Variants in ITCH observed in about 807,000 individuals in gnomAD.
ITCH encodes the protein itchy E3 ubiquitin protein ligase.
ITCH carries 28 observed loss-of-function variants against 126.8 expected under a neutral mutation model. That is an observed-to-expected ratio of 0.22 (90% confidence interval 0.16 to 0.30). The LOEUF is 0.30. Among genes scored for constraint, ITCH ranks in the 10% least tolerant of loss-of-function variants. ITCH has a pLI of 1.00. For missense variants in ITCH, 631 were observed against 1,032.4 expected, an observed-to-expected ratio of 0.61 and a Z score of 5.33; for synonymous variants, 342 against 340.0, an observed-to-expected ratio of 1.01 and a Z score of -0.06.
intron 7 of ITCH, among the ~76,000 whole-genome samples, chr20:34,429,872 A>G (rs1982056663): frequency 6.6e-6 from 1 of 152,212 alleles, no homozygotes; most frequent in Non-Finnish European, 1.5e-5. Context: ...ATTTGACCTA[A>G]GACCTTAAAA....
intron 3 of ITCH, chr20:34,401,530 C>A: frequency 2.6e-6 from 1 of 386,286 alleles, no homozygotes; most frequent in Non-Finnish European, 3.5e-6. Flanking sequence ...ACTGGATCTA[C>A]TCAAGGGTGG....
chr20:34,471,905 T>A (rs75895555), intron 16 of ITCH, among the ~76,000 whole-genome samples: 1,620 of 152,196 alleles, frequency 0.011, 40 homozygotes, highest in African/African-American at 0.037. Flanking sequence ...ATTATCAGAT[T>A]GTAGAAAGGA....
At chr20:34,401,238 A>G (rs1462788662) in intron 3 of ITCH, among the ~76,000 whole-genome samples, 2 of 151,998 alleles carry the variant, frequency 1.3e-5, no homozygotes, top group Non-Finnish European at 2.9e-5. Context: ...AATTATGCCT[A>G]TATATAACCT....
intron 20 of ITCH, among the ~76,000 whole-genome samples, chr20:34,486,724 G>T (rs1293040883): frequency 1.3e-5 from 2 of 151,376 alleles, no homozygotes; most frequent in Admixed American, 1.3e-4. Flanking sequence ...TTGAGACAGG[G>T]TCTCACTTTG....
intron 12 of ITCH, among the ~76,000 whole-genome samples, chr20:34,453,369 T>A (rs1163731335): frequency 5.3e-5 from 8 of 152,202 alleles, no homozygotes; most frequent in Admixed American, 5.2e-4. Context: ...CCCAGTACTT[T>A]GGGAGGCCAA....
intron 10 of ITCH, among the ~76,000 whole-genome samples, chr20:34,444,751 CCTG>C (rs954428743): frequency 3.3e-5 from 5 of 152,158 alleles, no homozygotes; most frequent in Non-Finnish European, 7.4e-5. Flanking sequence ...AAGCAGTTCT[CCTG>C]CTCAGCGTCC....
At chr20:34,483,044 C>T (rs944685087) in intron 20 of ITCH, among the ~76,000 whole-genome samples, 4 of 152,190 alleles carry the variant, frequency 2.6e-5, no homozygotes, top group Admixed American at 2.0e-4. Flanking sequence ...CACTTTTAGT[C>T]ATGCTGGAGC....
At chr20:34,457,542 G>T in intron 13 of ITCH, 68 bp downstream of exon 13, 4 of 1,085,746 alleles carry the variant, frequency 3.7e-6, no homozygotes, top group Non-Finnish European at 5.6e-6. Context: ...AACTGAAGAA[G>T]ATCAAAGTTC....
intron 3 of ITCH, among the ~76,000 whole-genome samples, chr20:34,398,138 C>T (rs547291601): frequency 2.0e-5 from 3 of 152,046 alleles, no homozygotes; most frequent in African/African-American, 7.2e-5. Flanking sequence ...TCATGGCTCA[C>T]TGCAACCTTG....
At chr20:34,474,730 G>A (rs1363662346) in intron 16 of ITCH, among the ~76,000 whole-genome samples, 1 of 152,062 alleles carries the variant, frequency 6.6e-6, no homozygotes, top group African/African-American at 2.4e-5. Context: ...TCACTTCCCA[G>A]TAGGGGCGGC....
At chr20:34,437,586 C>T (rs1167222542) in intron 7 of ITCH, among the ~76,000 whole-genome samples, 2 of 152,188 alleles carry the variant, frequency 1.3e-5, no homozygotes, top group East Asian at 1.9e-4. Flanking sequence ...CAATTACAAG[C>T]GTGAGCCACA....
chr20:34,416,426 C>A (rs1425087403), intron 6 of ITCH, among the ~76,000 whole-genome samples: 1 of 151,994 alleles, frequency 6.6e-6, no homozygotes, highest in Non-Finnish European at 1.5e-5. Flanking sequence ...ACAGTTATAA[C>A]AATATACTAC....
At chr20:34,384,656 G>A (rs1157821262) in intron 2 of ITCH, among the ~76,000 whole-genome samples, 1 of 127,214 alleles carries the variant, frequency 7.9e-6, no homozygotes, top group Non-Finnish European at 1.6e-5. Context: ...GGATATTAGG[G>A]TCTTTTTTTT....
At chr20:34,438,024 T>A (rs1276840525) in intron 7 of ITCH, among the ~76,000 whole-genome samples, 1 of 152,232 alleles carries the variant, frequency 6.6e-6, no homozygotes, top group Non-Finnish European at 1.5e-5. Flanking sequence ...ATACGTGCAC[T>A]TTGTTCTCCT....
At chr20:34,374,562 G>A (rs1243210669) in intron 2 of ITCH, among the ~76,000 whole-genome samples, 2 of 152,008 alleles carry the variant, frequency 1.3e-5, no homozygotes, top group African/African-American at 4.8e-5. Flanking sequence ...TATGATCTGA[G>A]TTCATAAATC....
intron 2 of ITCH, among the ~76,000 whole-genome samples, chr20:34,384,463 T>C (rs555808474): frequency 2.0e-5 from 3 of 151,868 alleles, no homozygotes; most frequent in South Asian, 4.2e-4. Flanking sequence ...GTATTTTTAG[T>C]AGAGACGGGG....
At chr20:34,482,834 G>T (rs1461241200) in intron 20 of ITCH, among the ~76,000 whole-genome samples, 3 of 152,186 alleles carry the variant, frequency 2.0e-5, no homozygotes. Flanking sequence ...CCTAGCAGAG[G>T]TTCTCTGTGA....
chr20:34,444,257 A>G (rs963820549), intron 10 of ITCH, among the ~76,000 whole-genome samples: 3 of 152,130 alleles, frequency 2.0e-5, no homozygotes, highest in Admixed American at 6.5e-5. Context: ...ATTTGTATCA[A>G]TGTTTACTTA....
At chr20:34,408,827 G>A (rs1978522623) in intron 4 of ITCH, 35 bp downstream of exon 4, 1 of 1,601,176 alleles carries the variant, frequency 6.2e-7, no homozygotes, top group Non-Finnish European at 8.5e-7. Context: ...AGTATGTTTT[G>A]TTTAGTAGAT....
Sources: allele counts gnomAD v4.1 joint callset (sites outside exome capture counted in the v4.1 genomes callset), GRCh38; gene constraint gnomAD v4.1.1; transcripts MANE v1.5; gene names NCBI Gene and HGNC (gene_info 2026-07-23, HGNC 2026-07-21).